The following ATM variants were observed in gnomAD, a reference collection of about 807,000 sequenced individuals.
ATM encodes the protein serine-protein kinase ATM.
Under a neutral mutation model 387.0 loss-of-function variants are expected in ATM, and 308 were observed. That is an observed-to-expected ratio of 0.80 (90% CI 0.73 to 0.87). The LOEUF (loss-of-function observed/expected upper bound fraction) is 0.87, where lower values mean the gene tolerates loss of function less well. ATM is among the 40% of genes least tolerant of loss of function. ATM has a pLI of 0.00. For synonymous variants in ATM, 1,156 were observed against 1,187.3 expected (o/e 0.97, Z 0.54); for missense variants, 3,312 against 3,560.9 (o/e 0.93, Z 1.78).
chr11:108,252,945 A>G, intron 12 of ATM, 33 bp downstream of exon 12: 1 of 1,514,482 alleles, frequency 6.6e-7, no homozygotes, highest in Non-Finnish European at 9.2e-7. Context: ...TTATCATTTT[A>G]AGCTATAGCT....
In ATM at chr11:108,330,408, A is replaced by G. The variant is rs531617441; in HGVS notation, c.7502A>G (p.Asn2501Ser). 145 of 1,614,146 alleles carry G rather than the reference A, an allele frequency of 9.0e-5. No individual in the cohort carries two copies. The South Asian group carries it at 1.4e-3, about 16-fold the overall frequency. ...WLENSGVSEV[N>S]GMMKRDGMKI... The stretch of plus-strand genomic sequence containing the variant: ...GAAAATTCTGGAGTTTCTGAAGTCA[A>G]TGGCATGATGAAGGCAAGTGTTACT... Residue 2501 changes from asparagine to serine, a missense_variant, in exon 50 of 63, where the codon AAT (asparagine) becomes AGT (serine). Physicochemically the swap from Asn to Ser is conservative, Grantham distance 46. Around this residue, in one of 4 missense-constraint regions of ATM, gnomAD observed 1,405 missense variants for 1,604.4 expected, o/e 0.88. Transcript: ENST00000675843.
At position 108,263,864 on chromosome 11, in the gene ATM, T is replaced by C. The variant is rs369707203; in HGVS notation, c.2467-3307T>C. Among the ~76,000 whole-genome samples, 900 of 150,670 alleles carry C rather than the reference T, an allele frequency of 6.0e-3. 5 individuals carry two copies. The highest frequency in any genetic ancestry group is 0.01 in the East Asian group (53 of 5,140). On this transcript the variant is annotated intron_variant, in intron 16 of 62. Coordinates refer to ENST00000675843, the MANE Select transcript of ATM (RefSeq NM_000051.4). ...AATACTACAAACACCTCTACGCAAA[T>C]AAACTAGAAAATCTAGAAGAAATGG...
intron 1 of ATM, chr11:108,224,191 AT>A (rs1326319554): frequency 1.3e-5 from 2 of 152,236 alleles, no homozygotes; most frequent in Non-Finnish European, 2.9e-5. Flanking sequence ...GTTTGAAGAG[AT>A]TAGTGAACTT....
intron 29 of ATM, among the ~76,000 whole-genome samples, chr11:108,292,222 C>T (rs185919568): frequency 1.9e-4 from 29 of 152,294 alleles, no homozygotes; most frequent in African/African-American, 5.8e-4. Flanking sequence ...GGATATAGGC[C>T]ACTGCTTTTG....
rs775823407 is a variant in ATM, at chr11:108,354,844, C to T, written c.8820C>T (p.Asn2940=). The T allele has an allele frequency of 4.3e-6, 7 of 1,613,738 alleles. No individual in the cohort carries two copies. Among genetic ancestry groups the T allele is most frequent in the African/African-American group, 2.7e-5 (2 of 74,930 alleles). ...AGAAAACCATGGAAGTGATGAGAAA[C>T]TCTCAGGAAACTCTGTTAACCATTG... The part of the protein sequence containing the change: ...CCEKTMEVMR[N]SQETLLTIVE... The change falls in exon 61 of 63, where the codon AAC becomes AAT. Residue 2940 remains asparagine, a synonymous_variant. Transcript: ENST00000675843.
intron 34 of ATM, among the ~76,000 whole-genome samples, chr11:108,300,463 T>C (rs2083367323): frequency 2.0e-5 from 3 of 152,220 alleles, no homozygotes; most frequent in Non-Finnish European, 4.4e-5. Context: ...TTGATTGGTA[T>C]CTTTGAGTAC....
At chr11:108,235,570 A>G (rs933742704) in intron 4 of ATM, 100 bp from the exon 5 acceptor site, 32 of 1,132,714 alleles carry the variant, frequency 2.8e-5, no homozygotes, top group Non-Finnish European at 3.8e-5. Flanking sequence ...AGTTTAGTTA[A>G]TAGTAATTTC....
At chr11:108,227,560 A>G (rs2135001717) in intron 1 of ATM, 35 bp from the exon 2 acceptor site, 5 of 1,270,906 alleles carry the variant, frequency 3.9e-6, no homozygotes, top group Non-Finnish European at 5.7e-6. Flanking sequence ...ATATATACAT[A>G]TACATATATA....
At chr11:108,289,476 G>T (rs1330480864) in intron 28 of ATM, 126 bp from the exon 29 acceptor site, 1 of 762,814 alleles carries the variant, frequency 1.3e-6, no homozygotes, top group African/African-American at 1.8e-5. Context: ...TCTAAATTCT[G>T]TTATTTAGTT....
intron 34 of ATM, 145 bp from the exon 35 acceptor site, chr11:108,301,503 T>C (rs1327360391): frequency 8.3e-6 from 8 of 968,114 alleles, no homozygotes; most frequent in Admixed American, 6.8e-5. Flanking sequence ...TTTGATACTT[T>C]TATTTGATAT....
In ATM at chr11:108,280,996, C is replaced by A. The variant is rs2082202102; in HGVS notation, c.3404C>A (p.Ser1135Tyr). 2 of 1,603,892 alleles carry A rather than the reference C, an allele frequency of 1.2e-6. No homozygotes were observed. Among genetic ancestry groups the A allele is most frequent in the South Asian group, 1.1e-5 (1 of 89,748 alleles). Residue 1135 changes from serine (S) to tyrosine (Y), a missense_variant and splice_region_variant, in exon 24 of 63, where the codon TCC becomes TAC. Transcript: ENST00000675843. ...LKAQEGMREMSHSAENPETLD... is the reference protein window; with the variant it reads ...LKAQEGMREMYHSAENPETLD... ...TTTTTTTTTTAATTTCTTTTTAAGT[C>A]CCATAGTGCTGAGAACCCTGAAACT...
intron 44 of ATM, among the ~76,000 whole-genome samples, chr11:108,320,497 T>A (rs2085124562): frequency 6.6e-6 from 1 of 152,256 alleles, no homozygotes; most frequent in African/African-American, 2.4e-5. Flanking sequence ...AGTGACTTAA[T>A]AAATCCTATG....
At chr11:108,289,900 C>G in intron 29 of ATM, 99 bp downstream of exon 29, 2 of 1,200,162 alleles carry the variant, frequency 1.7e-6, no homozygotes, top group Non-Finnish European at 2.4e-6. Flanking sequence ...AAGACTCACT[C>G]TGTCCGCCCA....
At chr11:108,346,833 T>C (rs1255884491) in intron 58 of ATM, among the ~76,000 whole-genome samples, 1 of 152,122 alleles carries the variant, frequency 6.6e-6, no homozygotes, top group Non-Finnish European at 1.5e-5. Context: ...GAATTAATGA[T>C]TAATTTGTGT....
At chr11:108,349,015 G>A (rs1156494302) in intron 59 of ATM, among the ~76,000 whole-genome samples, 1 of 152,158 alleles carries the variant, frequency 6.6e-6, no homozygotes, top group Non-Finnish European at 1.5e-5. Flanking sequence ...ATAGATTTCA[G>A]TTGAAGTCAC....
chr11:108,284,202 G>A (rs2135703645), intron 25 of ATM, 25 bp from the exon 26 acceptor site: 1 of 1,541,618 alleles, frequency 6.5e-7, no homozygotes, highest in South Asian at 1.2e-5. Context: ...TATATAACCT[G>A]TATTTTAAAT....
At chr11:108,249,476 TAAG>T (rs1434479797) in intron 9 of ATM, among the ~76,000 whole-genome samples, 1 of 152,210 alleles carries the variant, frequency 6.6e-6, no homozygotes, top group African/African-American at 2.4e-5. Context: ...AAGATAATCT[TAAG>T]AAATCACAGA....
chr11:108,277,776 C>T (rs890365346), intron 22 of ATM, among the ~76,000 whole-genome samples: 5 of 152,216 alleles, frequency 3.3e-5, no homozygotes, highest in African/African-American at 1.2e-4. Context: ...AAATCACCAC[C>T]TTCTGCGTTG....
chr11:108,275,724 G>A (rs1409589908), intron 22 of ATM, among the ~76,000 whole-genome samples: 1 of 152,218 alleles, frequency 6.6e-6, no homozygotes, highest in Non-Finnish European at 1.5e-5. Context: ...TTTCTGCCGA[G>A]AGATCTGCTG....
Sources: gnomAD v4.1 joint callset for allele counts (sites outside exome capture counted in the v4.1 genomes callset) on GRCh38, gnomAD v4.1.1 for gene constraint, gnomAD v4.1.1 regional missense constraint, MANE v1.5 for transcripts, NCBI Gene and HGNC (gene_info 2026-07-23, HGNC 2026-07-21) for gene names.